SLAMF6: variants seen among roughly 807,000 people sequenced by gnomAD.
The protein encoded by SLAMF6 is NK-T-B-antigen.
A neutral mutation model predicts 38.3 loss-of-function variants in SLAMF6; 21 were observed. The ratio of observed to expected loss-of-function variants is 0.55; its 90% CI spans 0.39 to 0.79. SLAMF6 has a LOEUF of 0.79. Ranked by LOEUF, SLAMF6 falls within the 30% of genes least tolerant of loss-of-function variation. The pLI is 0.00. For synonymous variants in SLAMF6, 152 were observed against 146.3 expected (o/e 1.04, Z -0.28); for missense variants, 341 against 385.3 (o/e 0.89, Z 0.96).
intron 1 of SLAMF6, among the ~76,000 whole-genome samples, chr1:160,520,176 G>A (rs1475258636): frequency 3.9e-5 from 6 of 152,040 alleles, no homozygotes; most frequent in Non-Finnish European, 7.4e-5. Flanking sequence ...CACTGCTCGG[G>A]GGCCATCAGG....
intron 2 of SLAMF6, 128 bp from the exon 3 acceptor site, chr1:160,491,516 T>A: frequency 7.5e-7 from 1 of 1,336,070 alleles, no homozygotes; most frequent in Non-Finnish European, 1.0e-6. Flanking sequence ...GTAGACTCTG[T>A]AAATGACTCT....
intron 6 of SLAMF6, among the ~76,000 whole-genome samples, chr1:160,487,435 C>A (rs1160073737): frequency 6.6e-6 from 1 of 152,210 alleles, no homozygotes; most frequent in East Asian, 1.9e-4. Flanking sequence ...GGCAGCCTTG[C>A]TGTATGAAGG....
At chr1:160,522,552 T>G (rs1326990592) in intron 1 of SLAMF6, among the ~76,000 whole-genome samples, 1 of 152,186 alleles carries the variant, frequency 6.6e-6, no homozygotes, top group Non-Finnish European at 1.5e-5. Flanking sequence ...AGTTCATTCT[T>G]TTCTCACTGC....
chr1:160,519,250 A>G (rs2102071220), intron 1 of SLAMF6, among the ~76,000 whole-genome samples: 1 of 152,346 alleles, frequency 6.6e-6, no homozygotes, highest in East Asian at 1.9e-4. Context: ...AATCAAAACC[A>G]CAATAATATA....
intron 1 of SLAMF6, among the ~76,000 whole-genome samples, chr1:160,513,249 G>A (rs780892935): frequency 5.9e-5 from 9 of 152,150 alleles, no homozygotes; most frequent in Non-Finnish European, 1.0e-4. Flanking sequence ...TAGACCAAGT[G>A]GAGGAAAGAA....
chr1:160,499,361 A>G (rs1264038007), intron 1 of SLAMF6, among the ~76,000 whole-genome samples: 3 of 152,028 alleles, frequency 2.0e-5, no homozygotes, highest in East Asian at 3.8e-4. Context: ...CAAAAATCAG[A>G]TGGTTGTAAG....
intron 1 of SLAMF6, among the ~76,000 whole-genome samples, chr1:160,501,334 T>G (rs1653881236): frequency 6.6e-6 from 1 of 152,214 alleles, no homozygotes; most frequent in African/African-American, 2.4e-5. Context: ...ATTGAGCTAG[T>G]GTAAGGCTTG....
chr1:160,488,389 C>A (rs1287118504), intron 6 of SLAMF6, among the ~76,000 whole-genome samples: 1 of 152,186 alleles, frequency 6.6e-6, no homozygotes, highest in Non-Finnish European at 1.5e-5. Flanking sequence ...TTGCTTACAT[C>A]ATTTTGAAAA....
chr1:160,519,172 G>C (rs558260867), intron 1 of SLAMF6, among the ~76,000 whole-genome samples: 1 of 152,228 alleles, frequency 6.6e-6, no homozygotes, highest in South Asian at 2.1e-4. Flanking sequence ...TTTCTCCAAA[G>C]AGGATATACA....
At chr1:160,505,338 G>A (rs551501805) in intron 1 of SLAMF6, among the ~76,000 whole-genome samples, 1 of 152,308 alleles carries the variant, frequency 6.6e-6, no homozygotes, top group African/African-American at 2.4e-5. Flanking sequence ...CCATTCACAG[G>A]TGAAATAAAC....
In SLAMF6 at chr1:160,490,050, G is replaced by A. The variant is rs1013594931; in HGVS notation, c.796+148C>T. The A allele has an allele frequency of 1.8e-5, 16 of 900,876 alleles. No individual in the cohort carries two copies. The East Asian group carries it at 3.9e-4, about 22-fold the overall frequency. The allele number at this position is 900,876 out of a possible 1,614,324, so 55.8% of individuals were successfully genotyped here. A position where few individuals can be genotyped will look rare whatever the true frequency, so the allele number is the denominator to read the frequency against. On this transcript the variant is annotated intron_variant, in intron 5 of 7. Coordinates refer to ENST00000368057, the MANE Select transcript of SLAMF6 (RefSeq NM_001184714.2). Reference sequence around the variant, plus strand: ...GAACCATGTAGGACCCATGATTACAGATCATCTCCCCTCACAGCATGTGGT... The same window carrying A: ...GAACCATGTAGGACCCATGATTACAAATCATCTCCCCTCACAGCATGTGGT...
At chr1:160,497,622 T>C (rs1372531211) in intron 1 of SLAMF6, among the ~76,000 whole-genome samples, 1 of 152,174 alleles carries the variant, frequency 6.6e-6, no homozygotes, top group Non-Finnish European at 1.5e-5. Context: ...TTCAACCCAT[T>C]ACCTGTTCCC....
intron 1 of SLAMF6, among the ~76,000 whole-genome samples, chr1:160,505,241 G>T (rs1478460207): frequency 6.6e-6 from 1 of 152,154 alleles, no homozygotes; most frequent in Non-Finnish European, 1.5e-5. Flanking sequence ...GGAAGAGTCT[G>T]ATTTCCAGAG....
At chr1:160,499,832 T>C (rs1357071574) in intron 1 of SLAMF6, among the ~76,000 whole-genome samples, 1 of 152,170 alleles carries the variant, frequency 6.6e-6, no homozygotes, top group Non-Finnish European at 1.5e-5. Flanking sequence ...GTCATATGGG[T>C]TCCAGGCACA....
intron 1 of SLAMF6, among the ~76,000 whole-genome samples, chr1:160,513,688 A>G (rs1654605745): frequency 6.6e-6 from 1 of 152,248 alleles, no homozygotes; most frequent in Admixed American, 6.5e-5. Flanking sequence ...ACAAGCCAGA[A>G]GAGATTGGGG....
chr1:160,504,215 A>G (rs1265686611), intron 1 of SLAMF6, among the ~76,000 whole-genome samples: 3 of 152,072 alleles, frequency 2.0e-5, no homozygotes, highest in Non-Finnish European at 4.4e-5. Context: ...TGAAGGCTAT[A>G]CTTATATTAT....
In SLAMF6 at chr1:160,502,678, A is replaced by G. The variant is rs375918034; in HGVS notation, c.50-6285T>C. Among the ~76,000 whole-genome samples the G allele has an allele frequency of 5.3e-5, 8 of 152,322 alleles. No homozygotes were observed. In the East Asian group the frequency reaches 1.3e-3, roughly 26 times the overall value. On this transcript the variant is annotated intron_variant, in intron 1 of 7. Transcript: ENST00000368057. ...AGAGCAGTGTCTTAGGAAAGAGAGG[A>G]GAGAGGTAGAACTAAGCAGATTCTG... is the stretch of plus-strand genomic sequence containing the variant.
At chr1:160,493,608 T>C (rs1653416914) in intron 2 of SLAMF6, among the ~76,000 whole-genome samples, 1 of 152,328 alleles carries the variant, frequency 6.6e-6, no homozygotes, top group Non-Finnish European at 1.5e-5. Context: ...GTTATCCATG[T>C]CTAACAAATA....
chr1:160,493,390 C>G (rs1021700467), intron 2 of SLAMF6, among the ~76,000 whole-genome samples: 3 of 152,208 alleles, frequency 2.0e-5, no homozygotes, highest in African/African-American at 7.2e-5. Context: ...CTCCCTGGCA[C>G]TCTTGATGCT....
Sources: allele counts gnomAD v4.1 joint callset (sites outside exome capture counted in the v4.1 genomes callset), GRCh38; gene constraint gnomAD v4.1.1; transcripts MANE v1.5; gene names NCBI Gene and HGNC (gene_info 2026-07-23, HGNC 2026-07-21).